Variants in VPS16 observed in about 807,000 individuals in gnomAD.
The protein encoded by VPS16 is VPS16 core subunit of CORVET and HOPS complexes, also known as vacuolar protein sorting-associated protein 16 homolog.
Under a neutral mutation model 116.0 loss-of-function variants are expected in VPS16, and 82 were observed. The observed-to-expected ratio is 0.71, with a 90% CI of 0.59 to 0.85. The LOEUF (loss-of-function observed/expected upper bound fraction) is 0.85, where lower values mean the gene tolerates loss of function less well. Ranked by LOEUF, VPS16 falls within the 40% of genes least tolerant of loss-of-function variation. The pLI is 0.00. For synonymous variants in VPS16, 406 were observed against 420.7 expected (o/e 0.96, Z 0.43); for missense variants, 928 against 1,090.6 (o/e 0.85, Z 2.10).
intron 1 of VPS16, among the ~76,000 whole-genome samples, chr20:2,850,971 A>ATC: frequency 1.4e-5 from 2 of 143,944 alleles, no homozygotes; most frequent in African/African-American, 5.6e-5. Context: ...CTGTCAAAAA[A>ATC]AAAAAAAAAA....
intron 1 of VPS16, among the ~76,000 whole-genome samples, chr20:2,842,457 A>G (rs1418500250): frequency 6.6e-6 from 1 of 151,992 alleles, no homozygotes; most frequent in Non-Finnish European, 1.5e-5. Flanking sequence ...CTCTACAAAA[A>G]TTAGCCAGGC....
chr20:2,844,733 A>G (rs531257748), intron 1 of VPS16, among the ~76,000 whole-genome samples: 1 of 152,300 alleles, frequency 6.6e-6, no homozygotes, highest in African/African-American at 2.4e-5. Context: ...CCAGGGGATG[A>G]GTAGATGTAG....
Position 2,866,602 on chromosome 20 carries a change from G to T in VPS16, c.*28G>T. ...AGTCCATCCTGTACATCTCAAGCAA[G>T]GGGTTCCTCCCCTAGCACCTGGGCT... On this transcript the variant is annotated 3_prime_UTR_variant, in exon 24 of 24. Coordinates refer to ENST00000380445, the MANE Select transcript of VPS16 (RefSeq NM_022575.4). 1 of 1,612,214 alleles carries T rather than the reference G, an allele frequency of 6.2e-7. No individual in the cohort carries two copies. The highest frequency in any genetic ancestry group is 8.5e-7 in the Non-Finnish European group (1 of 1,179,142).
In VPS16 at chr20:2,865,921, AG is replaced by A. The variant is rs2089333211; in HGVS notation, c.2272-288del. ...ATCACAAGAGAACACAGGAAATGTG[AG>A]GGCTGGTGGCAGGAACGCCTGTTGC... is the stretch of plus-strand genomic sequence containing the variant. On this transcript the variant is annotated intron_variant, in intron 22 of 23. Transcript: ENST00000380445. The surrounding 1 kb of genome is among the most constrained non-coding windows in gnomAD (Gnocchi z 5.2). 6.0e-6 allele frequency: 3 copies of A among 496,862 alleles called. No homozygotes were observed. Among genetic ancestry groups the A allele is most frequent in the Non-Finnish European group, 1.1e-5 (3 of 274,262 alleles). 30.8% of individuals were successfully genotyped at this position (496,862 alleles called of 1,614,324 possible).
intron 1 of VPS16, among the ~76,000 whole-genome samples, chr20:2,849,052 G>A (rs893172102): frequency 6.6e-6 from 1 of 152,182 alleles, no homozygotes; most frequent in Admixed American, 6.5e-5. Flanking sequence ...TCTCCTTGGA[G>A]ACAGGAAGGC....
intron 1 of VPS16, among the ~76,000 whole-genome samples, chr20:2,846,556 T>C (rs2089062027): frequency 6.6e-6 from 1 of 152,214 alleles, no homozygotes; most frequent in Non-Finnish European, 1.5e-5. Flanking sequence ...AGGAGTTCTT[T>C]AGTAGTATAT....
At chr20:2,862,409 A>T (rs2089240848) in intron 11 of VPS16, 170 bp from the exon 12 acceptor site, 2 of 1,353,840 alleles carry the variant, frequency 1.5e-6, no homozygotes, top group Non-Finnish European at 2.0e-6. Flanking sequence ...CTGATACGAG[A>T]TGATGTCTGT....
At position 2,865,033 on chromosome 20, in the gene VPS16, C is replaced by T. The variant is rs750096203; in HGVS notation, c.1982C>T (p.Ala661Val). Residue 661 changes from alanine to valine, a missense_variant, in exon 20 of 24, where the codon GCC becomes GTC. Transcript: ENST00000380445. The surrounding 1 kb of genome is among the most constrained non-coding windows in gnomAD (Gnocchi z 5.2). ...LQTAADAFYK[A>V]KNEFAAKATE... The stretch of plus-strand genomic sequence containing the variant: ...ACAGCCGCCGATGCCTTCTACAAGG[C>T]CAAGAATGAGTTTGCAGCCAAGGTT... The T allele has an allele frequency of 6.2e-7, 1 of 1,614,172 alleles. No individual in the cohort carries two copies. Among genetic ancestry groups the T allele is most frequent in the South Asian group, 1.1e-5 (1 of 91,086 alleles).
intron 1 of VPS16, among the ~76,000 whole-genome samples, chr20:2,855,822 A>G (rs1236991531): frequency 6.6e-6 from 1 of 152,224 alleles, no homozygotes; most frequent in Admixed American, 6.5e-5. Context: ...ATAGAATTTA[A>G]AGAGTTAGGG....
At chr20:2,859,473 C>T (rs1222558336) in intron 1 of VPS16, among the ~76,000 whole-genome samples, 1 of 152,154 alleles carries the variant, frequency 6.6e-6, no homozygotes, top group Non-Finnish European at 1.5e-5. Flanking sequence ...TGGACACTTG[C>T]CCCAAGAACC....
rs1473670929 is a variant in VPS16, at chr20:2,864,986, G to A, written c.1935G>A (p.Glu645=). The A allele has an allele frequency of 2.5e-6, 4 of 1,614,162 alleles. No homozygotes were observed. Among genetic ancestry groups the A allele is most frequent in the Non-Finnish European group, 3.4e-6 (4 of 1,180,026 alleles). The stretch of plus-strand genomic sequence containing the variant: ...CCTTCTTGTCTTTATAGCGTATTGA[G>A]GGGCGAGTAGCAGCTCTGCAGACAG... The part of the protein sequence containing the change: ...RASYAAEERI[E]GRVAALQTAA... Residue 645 remains glutamate (E), a synonymous_variant, in exon 20 of 24, where the codon GAG becomes GAA. Coordinates refer to ENST00000380445, the MANE Select transcript of VPS16 (RefSeq NM_022575.4). This position sits in a 1 kb window ranked among gnomAD's most constrained non-coding sequence, Gnocchi z 5.2.
rs767362759 is a variant in VPS16, at chr20:2,864,315, G to A, written c.1720+28G>A. 1 of 1,614,004 alleles carries A rather than the reference G, an allele frequency of 6.2e-7. No individual in the cohort carries two copies. The highest frequency in any genetic ancestry group is 8.5e-7 in the Non-Finnish European group (1 of 1,179,962). On this transcript the variant is annotated intron_variant, in intron 17 of 23. Transcript: ENST00000380445. This position sits in a 1 kb window ranked among gnomAD's most constrained non-coding sequence, Gnocchi z 5.2. Reference sequence around the variant, plus strand: ...GAGGGCAAGGCTGGGGGGCCCCTGGGCTAAGTGGGAGCCTGGCTGGAATTC... The same window carrying A: ...GAGGGCAAGGCTGGGGGGCCCCTGGACTAAGTGGGAGCCTGGCTGGAATTC...
At position 2,863,414 on chromosome 20, in the gene VPS16, G is replaced by A. The variant is rs753443790; in HGVS notation, c.1476+16G>A. The A allele has an allele frequency of 6.2e-7, 1 of 1,611,930 alleles. No individual in the cohort carries two copies. ...CTGCTACAAGGCAAGGATGTGGGAT[G>A]GGGTCCAAGGGCATTTAGAGGATTC... On this transcript the variant is annotated intron_variant, in intron 15 of 23. Coordinates refer to ENST00000380445, the MANE Select transcript of VPS16 (RefSeq NM_022575.4). The surrounding 1 kb of genome is among the most constrained non-coding windows in gnomAD (Gnocchi z 4.4).
Position 2,865,109 on chromosome 20 carries a change from T to A in VPS16, c.2005-39T>A. The stretch of plus-strand genomic sequence containing the variant: ...CTCGTCTCCTGGTCTTCCCTCCTGG[T>A]CCCTCATCCCCATCATGCCTCATTA... On this transcript the variant is annotated intron_variant, in intron 20 of 23. Transcript: ENST00000380445. The surrounding 1 kb of genome is among the most constrained non-coding windows in gnomAD (Gnocchi z 5.2). The A allele has an allele frequency of 6.2e-7, 1 of 1,614,136 alleles. No individual in the cohort carries two copies. The highest frequency in any genetic ancestry group is 1.1e-5 in the South Asian group (1 of 91,074).
intron 10 of VPS16, 33 bp from the exon 11 acceptor site, chr20:2,862,021 C>T: frequency 6.2e-7 from 1 of 1,612,150 alleles, no homozygotes; most frequent in Non-Finnish European, 8.5e-7. Flanking sequence ...GTTTCCCTGC[C>T]TTTCTCCCTC....
rs192380382 is a variant in VPS16 at position 2,851,176 on chromosome 20, G to T, written c.54-8543G>T. Among the ~76,000 whole-genome samples the T allele has an allele frequency of 3.3e-5, 5 of 152,242 alleles. No individual in the cohort carries two copies. The East Asian group carries it at 9.7e-4, about 29-fold the overall frequency. Reference sequence around the variant, plus strand: ...AGGTTGGAGCTGGTCTATAATATCAGACAAGCAAGAAGCAACCCTCTGAGG... The same window carrying T: ...AGGTTGGAGCTGGTCTATAATATCATACAAGCAAGAAGCAACCCTCTGAGG... On this transcript the variant is annotated intron_variant, in intron 1 of 23. Transcript: ENST00000380445.
intron 1 of VPS16, among the ~76,000 whole-genome samples, chr20:2,845,695 G>A (rs1197028475): frequency 1.3e-5 from 2 of 151,824 alleles, no homozygotes; most frequent in African/African-American, 2.4e-5. Context: ...GTATATTCAC[G>A]TTGTTGTGCA....
chr20:2,862,141 G>A lies in VPS16; in HGVS notation c.1071+11G>A, dbSNP rs374151122. 2.5e-5 allele frequency: 41 copies of A among 1,611,598 alleles called. No homozygotes were observed. The highest frequency in any genetic ancestry group is 3.3e-5 in the Non-Finnish European group (39 of 1,179,004). On this transcript the variant is annotated intron_variant, in intron 11 of 23. Transcript: ENST00000380445. ...CAGAAGGAGTATGAGGTAAAGCCCTGGGCTTCTCTCCCAGTCCCAGAATGG... is the reference window on the plus strand; with the variant it reads ...CAGAAGGAGTATGAGGTAAAGCCCTAGGCTTCTCTCCCAGTCCCAGAATGG...
Position 2,860,408 on chromosome 20 carries a change from T to C in VPS16, c.369+41T>C. 1 of 1,614,078 alleles carries C rather than the reference T, an allele frequency of 6.2e-7. No individual in the cohort carries two copies. The highest frequency in any genetic ancestry group is 8.5e-7 in the Non-Finnish European group (1 of 1,180,014). ...GGCTGGGGACGCGGGGTAGAGTTTA[T>C]GACCCTGTGGCTCCCTTAACCCATG... On this transcript the variant is annotated intron_variant, in intron 4 of 23. Transcript: ENST00000380445. This position sits in a 1 kb window ranked among gnomAD's most constrained non-coding sequence, Gnocchi z 6.1.
Sources: allele counts gnomAD v4.1 joint callset (sites outside exome capture counted in the v4.1 genomes callset), GRCh38; gene constraint gnomAD v4.1.1; non-coding constraint Gnocchi (gnomAD v3.1); transcripts MANE v1.5; gene names NCBI Gene and HGNC (gene_info 2026-07-23, HGNC 2026-07-21).